The following DRC10 variants were observed in gnomAD, a reference collection of about 807,000 sequenced individuals.
DRC10 encodes IQ domain-containing protein D.
At chr12:113,213,388 C>T in the DRC10 span, among the ~76,000 whole-genome samples, 1 of 152,138 alleles carries the variant, frequency 6.6e-6, no homozygotes, top group South Asian at 2.1e-4. Context: ...TTTTTCCATC[C>T]TCATCCGGAT....
chr12:113,208,902 C>T, the DRC10 span, among the ~76,000 whole-genome samples: 1 of 152,114 alleles, frequency 6.6e-6, no homozygotes, highest in Non-Finnish European at 1.5e-5. Flanking sequence ...AGGAATGGCA[C>T]ATTTTCACTG....
At chr12:113,213,983 G>T in the DRC10 span, among the ~76,000 whole-genome samples, 1 of 152,014 alleles carries the variant, frequency 6.6e-6, no homozygotes, top group South Asian at 2.1e-4. Context: ...CCAAGGTCTT[G>T]CTATGTTGCC....
At chr12:113,195,589 T>C in the DRC10 span, 1 of 1,598,228 alleles carries the variant, frequency 6.3e-7, no homozygotes, top group Non-Finnish European at 8.5e-7. Context: ...TTCTTGCCCT[T>C]GCCCTTCTCC....
chr12:113,219,682 T>TA, the DRC10 span, among the ~76,000 whole-genome samples: 1 of 152,268 alleles, frequency 6.6e-6, no homozygotes, highest in Admixed American at 6.5e-5. Flanking sequence ...TTTTTATATA[T>TA]TTTTTTGAGA....
the DRC10 span, among the ~76,000 whole-genome samples, chr12:113,198,602 T>G: frequency 6.6e-6 from 1 of 152,058 alleles, no homozygotes; most frequent in South Asian, 2.1e-4. Flanking sequence ...GAAAGCACAT[T>G]AGTGATTGCC....
At chr12:113,207,914 C>G in the DRC10 span, 1 of 1,614,188 alleles carries the variant, frequency 6.2e-7, no homozygotes. Flanking sequence ...ATGACGTCCT[C>G]CCCCAGCATC....
chr12:113,208,550 G>A, the DRC10 span: 1 of 197,010 alleles, frequency 5.1e-6, no homozygotes, highest in African/African-American at 2.3e-5. Context: ...TCAGTGATGG[G>A]AGAGTTGAGA....
chr12:113,210,641 C>G, the DRC10 span, among the ~76,000 whole-genome samples: 39 of 151,710 alleles, frequency 2.6e-4, no homozygotes, highest in Non-Finnish European at 5.0e-4. Flanking sequence ...ACACCTACTG[C>G]CCAGGATGTC....
the DRC10 span, among the ~76,000 whole-genome samples, chr12:113,203,821 C>T: frequency 2.1e-5 from 3 of 144,388 alleles, no homozygotes; most frequent in Admixed American, 2.1e-4. Context: ...GGGGTTTCAC[C>T]CTGTTGCCCA....
chr12:113,195,538 G>A, the DRC10 span: 103 of 1,534,916 alleles, frequency 6.7e-5, no homozygotes, highest in Non-Finnish European at 7.9e-5. Context: ...CCTGGTCTCT[G>A]GGAAGATAAG....
the DRC10 span, among the ~76,000 whole-genome samples, chr12:113,217,004 G>A: frequency 1.3e-5 from 2 of 152,066 alleles, no homozygotes; most frequent in African/African-American, 2.4e-5. Flanking sequence ...CAGGAGAATC[G>A]CTTGAACCCA....
the DRC10 span, among the ~76,000 whole-genome samples, chr12:113,219,236 A>G: frequency 2.6e-5 from 4 of 152,016 alleles, no homozygotes; most frequent in Non-Finnish European, 5.9e-5. Flanking sequence ...GGGTTTTGCT[A>G]TGTTGGCCAG....
At chr12:113,195,931 C>T in the DRC10 span, 4 of 1,550,074 alleles carry the variant, frequency 2.6e-6, no homozygotes, top group Non-Finnish European at 3.5e-6. Flanking sequence ...ACATAGAGTG[C>T]CTCCTCCCAC....
chr12:113,205,902 CAA>C, the DRC10 span, among the ~76,000 whole-genome samples: 6,226 of 47,478 alleles, frequency 0.13, 80 homozygotes, highest in African/African-American at 0.14. Flanking sequence ...GACTCCGTCT[CAA>C]AAAAAAAAAA....
chr12:113,200,965 C>T, the DRC10 span, among the ~76,000 whole-genome samples: 49 of 152,268 alleles, frequency 3.2e-4, no homozygotes, highest in Non-Finnish European at 6.0e-4. Flanking sequence ...ATGATGAAAT[C>T]CCGTCTCTTC....
the DRC10 span, among the ~76,000 whole-genome samples, chr12:113,220,649 G>T: frequency 6.6e-6 from 1 of 152,158 alleles, no homozygotes; most frequent in African/African-American, 2.4e-5. Flanking sequence ...TATGGCCGTT[G>T]GGTGAAATGG....
the DRC10 span, chr12:113,200,104 C>T: frequency 3.3e-6 from 1 of 307,500 alleles, no homozygotes; most frequent in South Asian, 2.6e-5. Context: ...ACTACCATCT[C>T]ATGTAATTCT....
chr12:113,221,021 C>T, the DRC10 span: 11 of 396,610 alleles, frequency 2.8e-5, no homozygotes, highest in African/African-American at 2.3e-4. Context: ...CCAGGTTTCC[C>T]TAGCCACAGT....
the DRC10 span, among the ~76,000 whole-genome samples, chr12:113,214,037 T>C: frequency 6.6e-6 from 1 of 152,166 alleles, no homozygotes; most frequent in Non-Finnish European, 1.5e-5. Flanking sequence ...ATTTTCTTTT[T>C]AGCCTCAGAA....
Sources: gnomAD v4.1 joint callset for allele counts (sites outside exome capture counted in the v4.1 genomes callset) on GRCh38, gnomAD v4.1.1 for gene constraint, MANE v1.5 for transcripts, NCBI Gene and HGNC (gene_info 2026-07-23, HGNC 2026-07-21) for gene names.